The following ANKRD55 variants were observed in gnomAD, a reference collection of about 807,000 sequenced individuals.
ANKRD55 encodes the protein ankyrin repeat domain 55.
ANKRD55 carries 41 observed loss-of-function variants against 60.6 expected under a neutral mutation model. That is an observed-to-expected ratio of 0.68 (90% CI 0.53 to 0.88). ANKRD55 has a LOEUF of 0.88. ANKRD55 is among the 40% of genes least tolerant of loss of function. ANKRD55 has a pLI of 0.00. For missense variants in ANKRD55, 732 were observed against 767.6 expected, an observed-to-expected ratio of 0.95 and a Z score of 0.55; for synonymous variants, 264 against 290.3, an observed-to-expected ratio of 0.91 and a Z score of 0.92.
At chr5:56,219,079 C>T (rs1454170570) in intron 2 of ANKRD55, among the ~76,000 whole-genome samples, 2 of 151,886 alleles carry the variant, frequency 1.3e-5, no homozygotes, top group African/African-American at 4.8e-5. Flanking sequence ...TCGAGACCAG[C>T]CTGGCCAACA....
chr5:56,193,552 C>T (rs1759160194), intron 2 of ANKRD55: 1 of 388,992 alleles, frequency 2.6e-6, no homozygotes, highest in Non-Finnish European at 4.8e-6. Context: ...ATACAGATAT[C>T]AAGCTACCTT....
Position 56,174,747 on chromosome 5 carries a change from G to A in ANKRD55, c.312+1405C>T, listed in dbSNP as rs1486553431. On this transcript the variant is annotated intron_variant, in intron 4 of 11. Coordinates refer to ENST00000341048, the MANE Select transcript of ANKRD55 (RefSeq NM_024669.3). ...CCTGGGAGGCTATGGCAGGAGAATCGCTTGAACCTGGGAGGCAGAGTCTGC... is the reference window on the plus strand; with the variant it reads ...CCTGGGAGGCTATGGCAGGAGAATCACTTGAACCTGGGAGGCAGAGTCTGC... Among the ~76,000 whole-genome samples the A allele has an allele frequency of 4.0e-5, 6 of 150,404 alleles. No homozygotes were observed. In the East Asian group the frequency reaches 9.8e-4, roughly 24 times the overall value.
intron 2 of ANKRD55, among the ~76,000 whole-genome samples, chr5:56,216,713 A>G (rs1013361350): frequency 2.6e-5 from 4 of 152,236 alleles, no homozygotes; most frequent in African/African-American, 9.6e-5. Context: ...AATCCAGAGG[A>G]AGCCCCTAAC....
intron 6 of ANKRD55, among the ~76,000 whole-genome samples, chr5:56,145,505 C>A (rs549291486): frequency 5.8e-4 from 89 of 152,352 alleles, no homozygotes; most frequent in African/African-American, 1.9e-3. Flanking sequence ...TAGGACCACC[C>A]TGCCAAACAG....
chr5:56,173,386 C>T (rs550210525), intron 4 of ANKRD55, among the ~76,000 whole-genome samples: 8 of 150,544 alleles, frequency 5.3e-5, no homozygotes, highest in Admixed American at 4.0e-4. Flanking sequence ...TTGGTAGAGA[C>T]GGGGTTTCAC....
At chr5:56,159,028 C>T (rs1246297135) in intron 6 of ANKRD55, among the ~76,000 whole-genome samples, 1 of 151,618 alleles carries the variant, frequency 6.6e-6, no homozygotes, top group East Asian at 1.9e-4. Context: ...TTTTTTTCTT[C>T]AGAGAGGGGG....
chr5:56,210,011 C>CT (rs1021730141), intron 2 of ANKRD55, among the ~76,000 whole-genome samples: 13 of 151,910 alleles, frequency 8.6e-5, no homozygotes, highest in African/African-American at 2.7e-4. Flanking sequence ...TCATTTTTTT[C>CT]TTTTTTTAAA....
chr5:56,164,503 C>T (rs1758404074), intron 5 of ANKRD55, among the ~76,000 whole-genome samples: 1 of 152,136 alleles, frequency 6.6e-6, no homozygotes, highest in Non-Finnish European at 1.5e-5. Flanking sequence ...TGAAAAGAGG[C>T]AGAGTGGCTG....
rs1329119259 is a variant in ANKRD55 at position 56,134,209 on chromosome 5, A to G, written c.613-7103T>C. Among the ~76,000 whole-genome samples the G allele has an allele frequency of 5.2e-5, 6 of 115,774 alleles. 2 individuals are homozygous for G. Among genetic ancestry groups the G allele is most frequent in the East Asian group, 4.8e-4 (2 of 4,170 alleles). 76.0% of individuals were successfully genotyped at this position (115,774 alleles called of 152,430 possible). A position where few individuals can be genotyped will look rare whatever the true frequency, so the allele number is the denominator to read the frequency against. On this transcript the variant is annotated intron_variant, in intron 7 of 11. Transcript: ENST00000341048. The stretch of plus-strand genomic sequence containing the variant: ...TTGATAACATATTTGAAATGGACCA[A>G]TTCCTTAAAAGACACAATCTACCAA...
At chr5:56,118,378 C>T (rs951979803) in intron 8 of ANKRD55, among the ~76,000 whole-genome samples, 17 of 152,124 alleles carry the variant, frequency 1.1e-4, no homozygotes, top group South Asian at 2.1e-4. Flanking sequence ...GTAATCCCAG[C>T]GCTTTGGGAG....
intron 2 of ANKRD55, among the ~76,000 whole-genome samples, chr5:56,201,633 C>T (rs1235394320): frequency 1.3e-5 from 2 of 152,120 alleles, no homozygotes; most frequent in Admixed American, 6.6e-5. Flanking sequence ...ATAGTGCCTC[C>T]CCCTTAGGGC....
rs566187486 is a variant in ANKRD55, at chr5:56,141,650, C to T, written c.612+2151G>A. Among the ~76,000 whole-genome samples the T allele has an allele frequency of 8.5e-5, 13 of 152,280 alleles. No individual in the cohort carries two copies. In the East Asian group the frequency reaches 2.3e-3, roughly 27 times the overall value. ...GGCACACCCAGAGAGGGCACGGAAG[C>T]TCCATGCCTGTTCCCCCATACCCTT... On this transcript the variant is annotated intron_variant, in intron 7 of 11. Transcript: ENST00000341048.
chr5:56,187,098 T>G (rs1758990080), intron 2 of ANKRD55, among the ~76,000 whole-genome samples: 1 of 152,152 alleles, frequency 6.6e-6, no homozygotes, highest in Non-Finnish European at 1.5e-5. Flanking sequence ...AGAATTATGA[T>G]CCCCAAAATA....
At chr5:56,190,417 C>A (rs888584115) in intron 2 of ANKRD55, among the ~76,000 whole-genome samples, 2 of 152,244 alleles carry the variant, frequency 1.3e-5, no homozygotes, top group East Asian at 1.9e-4. Context: ...TGTCATGAAG[C>A]TTTTCCCTAG....
At chr5:56,132,589 T>TAAA (rs1183428923) in intron 7 of ANKRD55, among the ~76,000 whole-genome samples, 1 of 84,756 alleles carries the variant, frequency 1.2e-5, no homozygotes, top group Admixed American at 1.3e-4. Flanking sequence ...AGACTCTATC[T>TAAA]AAAAAAAAAA....
chr5:56,224,120 A>T (rs576790224), intron 2 of ANKRD55, among the ~76,000 whole-genome samples: 2 of 152,350 alleles, frequency 1.3e-5, no homozygotes, highest in Non-Finnish European at 2.9e-5. Context: ...AAAAGAACAG[A>T]AATTATAACA....
chr5:56,152,498 T>G (rs979993164), intron 6 of ANKRD55, among the ~76,000 whole-genome samples: 1 of 152,304 alleles, frequency 6.6e-6, no homozygotes. Context: ...CTAACCCAGA[T>G]GCCAACAGCT....
At chr5:56,193,394 C>A (rs1759154874) in intron 2 of ANKRD55, 1 of 636,018 alleles carries the variant, frequency 1.6e-6, no homozygotes, top group South Asian at 1.6e-5. Flanking sequence ...CTACCTAGAA[C>A]CTTTTGGTAC....
At chr5:56,115,627 C>G (rs1756864147) in intron 9 of ANKRD55, among the ~76,000 whole-genome samples, 1 of 152,010 alleles carries the variant, frequency 6.6e-6, no homozygotes, top group African/African-American at 2.4e-5. Context: ...CAGCCCGCAG[C>G]TGTATTCTAT....
Sources: gnomAD v4.1 joint callset for allele counts (sites outside exome capture counted in the v4.1 genomes callset) on GRCh38, gnomAD v4.1.1 for gene constraint, MANE v1.5 for transcripts, NCBI Gene and HGNC (gene_info 2026-07-23, HGNC 2026-07-21) for gene names.